The following TRIM49C variants were observed in gnomAD, a reference collection of about 807,000 sequenced individuals.
TRIM49C encodes tripartite motif containing 49C.
A neutral mutation model predicts 21.4 loss-of-function variants in TRIM49C; 6 were observed. The observed-to-expected ratio is 0.28, with a 90% CI of 0.15 to 0.55. The LOEUF (loss-of-function observed/expected upper bound fraction) is 0.55. Among genes scored for constraint, TRIM49C ranks in the 20% least tolerant of loss-of-function variants. TRIM49C has a pLI of 0.94. For missense variants in TRIM49C, 161 were observed against 442.4 expected (o/e 0.36, Z 5.71); for synonymous variants, 57 against 148.1 (o/e 0.38, Z 4.47).
At chr11:90,071,681 C>A in the TRIM49C span, 50 of 1,227,012 alleles carry the variant, frequency 4.1e-5, no homozygotes, top group African/African-American at 6.5e-4. Context: ...ACCAACTCAA[C>A]CTACTTCCTT....
At chr11:90,043,203 T>C (rs595019), downstream of TRIM49C, among the ~76,000 whole-genome samples, 3 of 146,036 alleles carry the variant, frequency 2.1e-5, no homozygotes, top group Admixed American at 1.4e-4. Context: ...GGAGTGAGAA[T>C]GGCTTGTGGC....
In TRIM49C at chr11:90,041,020, G is replaced by T. The variant is rs186930001; in HGVS notation, c.860-31G>T. On this transcript the variant is annotated intron_variant, in intron 7 of 7. Transcript: ENST00000448984. ...TTTTTTCTTATTTACACATGTCTATGCATGTTTTCTTTTTTTTTTTTTTTT... is the reference window on the plus strand; with the variant it reads ...TTTTTTCTTATTTACACATGTCTATTCATGTTTTCTTTTTTTTTTTTTTTT... 5.7e-5 allele frequency: 84 copies of T among 1,468,676 alleles called. No individual in the cohort carries two copies. In the African/African-American group the frequency reaches 1.2e-3, roughly 21 times the overall value. 91.0% of individuals were successfully genotyped at this position (1,468,676 alleles called of 1,614,324 possible). A position where few individuals can be genotyped will look rare whatever the true frequency, so the allele number is the denominator to read the frequency against.
chr11:90,071,912 T>G, the TRIM49C span: 1 of 462,526 alleles, frequency 2.2e-6, no homozygotes, highest in Non-Finnish European at 3.9e-6. Flanking sequence ...TGTGAATAGG[T>G]ATTTACATTT....
the TRIM49C span, among the ~76,000 whole-genome samples, chr11:90,054,524 G>A: frequency 7.3e-6 from 1 of 136,768 alleles, no homozygotes; most frequent in Non-Finnish European, 1.6e-5. Flanking sequence ...TGCCTCCTTG[G>A]TTCAAGTGAT....
chr11:90,068,103 A>G, the TRIM49C span, among the ~76,000 whole-genome samples: 1 of 91,320 alleles, frequency 1.1e-5, no homozygotes, highest in Non-Finnish European at 2.1e-5. Context: ...AATTTCTTGG[A>G]ATTTCAGGCA....
chr11:90,066,722 C>T, the TRIM49C span, among the ~76,000 whole-genome samples: 3 of 126,050 alleles, frequency 2.4e-5, no homozygotes, highest in African/African-American at 8.5e-5. Flanking sequence ...GTTATGTATT[C>T]ATATTTTAAA....
chr11:90,043,880 A>C (rs1950786762), downstream of TRIM49C, among the ~76,000 whole-genome samples: 3 of 104,680 alleles, frequency 2.9e-5, no homozygotes, highest in African/African-American at 3.9e-5. Flanking sequence ...TGCACCCATT[A>C]ACTCCTCATT....
At chr11:90,057,879 C>T in the TRIM49C span, 58 of 1,437,842 alleles carry the variant, frequency 4.0e-5, 8 homozygotes, top group African/African-American at 5.3e-5. Flanking sequence ...TCTGGAATCT[C>T]GACAGACTCC....
At chr11:90,042,203 C>T (rs1950775766), downstream of TRIM49C, among the ~76,000 whole-genome samples, 1 of 146,066 alleles carries the variant, frequency 6.8e-6, no homozygotes. Context: ...AAACCATACA[C>T]AGTCATTTCC....
At chr11:90,069,806 A>G in the TRIM49C span, among the ~76,000 whole-genome samples, 2 of 106,210 alleles carry the variant, frequency 1.9e-5, no homozygotes, top group African/African-American at 7.6e-5. Context: ...CTGAAGGTAA[A>G]TATGTCAAGT....
the TRIM49C span, chr11:90,052,105 C>G: frequency 1.9e-6 from 1 of 529,136 alleles, no homozygotes; most frequent in Non-Finnish European, 3.1e-6. Flanking sequence ...GGGCAGGAGG[C>G]TGGCCTTCCG....
chr11:90,062,780 C>T, the TRIM49C span: 5 of 1,423,528 alleles, frequency 3.5e-6, 1 homozygote, highest in Non-Finnish European at 3.7e-6. Context: ...CTAGGGAAGA[C>T]AGCTTTTTGA....
the TRIM49C span, chr11:90,073,457 A>G: frequency 2.3e-6 from 1 of 427,230 alleles, no homozygotes; most frequent in African/African-American, 2.8e-5. Context: ...CACTGTTGAT[A>G]CAAAGAAATC....
Position 90,034,852 on chromosome 11 carries a change from T to C in TRIM49C, c.-4-356T>C, listed in dbSNP as rs571306299. 1.0e-4 allele frequency among the ~76,000 whole-genome samples: 14 copies of C among 135,496 alleles called. 2 individuals carry two copies. In the South Asian group the frequency reaches 3.5e-3, roughly 34 times the overall value. 88.9% of individuals were successfully genotyped at this position (135,496 alleles called of 152,430 possible). On this transcript the variant is annotated intron_variant, in intron 2 of 7. Coordinates refer to ENST00000448984, the MANE Select transcript of TRIM49C (RefSeq NM_001195234.1). Reference sequence around the variant, plus strand: ...TTCCCTCCCACTCTTTCACAGTCATTCATCAGTTATTGAAAGAAGAATAGG... The same window carrying C: ...TTCCCTCCCACTCTTTCACAGTCATCCATCAGTTATTGAAAGAAGAATAGG...
the TRIM49C span, chr11:90,071,134 C>G: frequency 4.1e-6 from 2 of 493,202 alleles, 1 homozygote; most frequent in East Asian, 1.2e-4. Context: ...TTCTCTCTCT[C>G]TCTCTCTACA....
rs1366490800 is a variant in TRIM49C, at chr11:90,039,346, G to A, written c.762-519G>A. ...GGAAGTATTTTAGCAGCGAAAAAGT[G>A]TTGATGTTTTGTTTTTTATACATAT... On this transcript the variant is annotated intron_variant, in intron 6 of 7. Transcript: ENST00000448984. Among the ~76,000 whole-genome samples the A allele has an allele frequency of 1.5e-5, 2 of 129,902 alleles. 1 individual carries two copies. The highest frequency in any genetic ancestry group is 3.2e-5 in the Non-Finnish European group (2 of 61,894). 85.2% of individuals were successfully genotyped at this position (129,902 alleles called of 152,430 possible).
the TRIM49C span, among the ~76,000 whole-genome samples, chr11:90,067,200 A>T: frequency 7.2e-6 from 1 of 139,830 alleles, no homozygotes; most frequent in African/African-American, 2.6e-5. Flanking sequence ...TCACAATATT[A>T]TCAGAAATCC....
rs780244428 is a variant in TRIM49C, at chr11:90,041,373, C to G, written c.1182C>G (p.Thr394=). The G allele has an allele frequency of 6.3e-7, 1 of 1,588,378 alleles. No individual in the cohort carries two copies. ...ACATTCAATGCAGTCTCTTTACCAC[C>G]TCCCCACTTATGCTGCAATATATCC... ...KNDIQCSLFT[T]SPLMLQYIPK... The change falls in exon 8 of 8, where the codon ACC becomes ACG. Residue 394 remains threonine (T), a synonymous_variant. Coordinates refer to ENST00000448984, the MANE Select transcript of TRIM49C (RefSeq NM_001195234.1).
At chr11:90,036,953 C>T (rs1043110602) in intron 4 of TRIM49C, among the ~76,000 whole-genome samples, 2 of 134,406 alleles carry the variant, frequency 1.5e-5, no homozygotes, top group African/African-American at 5.3e-5. Context: ...AAAAGACTCA[C>T]TGAAAAATTC....
Sources: gnomAD v4.1 joint callset for allele counts (sites outside exome capture counted in the v4.1 genomes callset) on GRCh38, gnomAD v4.1.1 for gene constraint, MANE v1.5 for transcripts, NCBI Gene and HGNC (gene_info 2026-07-23, HGNC 2026-07-21) for gene names.